The following DPYD variants were observed in gnomAD, a reference collection of about 807,000 sequenced individuals.
The protein encoded by DPYD is dihydropyrimidine dehydrogenase [NADP(+)].
A neutral mutation model predicts 116.2 loss-of-function variants in DPYD; 109 were observed. The observed-to-expected ratio is 0.94, with a 90% CI of 0.80 to 1.10. DPYD has a LOEUF of 1.10. DPYD is among the 50% of genes least tolerant of loss of function. The probability of loss-of-function intolerance (pLI) is 0.00; values close to 1 mark genes in which losing one functional copy is unlikely to be tolerated. For synonymous variants in DPYD, 440 were observed against 432.0 expected (o/e 1.02, Z -0.23); for missense variants, 1,302 against 1,254.5 (o/e 1.04, Z -0.57).
chr1:97,676,389 C>G (rs551241508), intron 8 of DPYD, among the ~76,000 whole-genome samples: 1 of 152,250 alleles, frequency 6.6e-6, no homozygotes, highest in East Asian at 1.9e-4. Flanking sequence ...ACTGAAGGAG[C>G]TGCTTCCCTC....
At chr1:97,670,716 C>T (rs1401756967) in intron 8 of DPYD, among the ~76,000 whole-genome samples, 1 of 150,620 alleles carries the variant, frequency 6.6e-6, no homozygotes, top group Non-Finnish European at 1.5e-5. Context: ...TGATAATTAT[C>T]TCCCACAAAA....
At chr1:97,554,404 T>C (rs1252779799) in intron 11 of DPYD, among the ~76,000 whole-genome samples, 1 of 152,158 alleles carries the variant, frequency 6.6e-6, no homozygotes, top group Non-Finnish European at 1.5e-5. Flanking sequence ...TTTGGAGAGT[T>C]TGATGTGTTA....
chr1:97,705,132 T>A (rs78027119), intron 5 of DPYD, among the ~76,000 whole-genome samples: 1 of 118,440 alleles, frequency 8.4e-6, no homozygotes, highest in Non-Finnish European at 1.9e-5. Flanking sequence ...GCCTGAACTC[T>A]TTTTTTTTTT....
chr1:97,550,488 G>A (rs929964921), intron 11 of DPYD, among the ~76,000 whole-genome samples: 4 of 152,018 alleles, frequency 2.6e-5, no homozygotes, highest in African/African-American at 7.2e-5. Flanking sequence ...AATATCTAAC[G>A]AACATTTTGA....
intron 20 of DPYD, among the ~76,000 whole-genome samples, chr1:97,127,584 G>T (rs1026645471): frequency 3.9e-5 from 6 of 152,034 alleles, no homozygotes; most frequent in Non-Finnish European, 7.4e-5. Flanking sequence ...TTGCTAGAAA[G>T]GTATTCATCA....
chr1:97,827,985 C>T (rs1669321982), intron 3 of DPYD, 129 bp downstream of exon 3: 1 of 885,608 alleles, frequency 1.1e-6, no homozygotes, highest in South Asian at 1.4e-5. Context: ...GGAAGTCTCT[C>T]CACTGACAAA....
At chr1:97,373,214 A>G (rs1163459451) in intron 16 of DPYD, among the ~76,000 whole-genome samples, 1 of 152,226 alleles carries the variant, frequency 6.6e-6, no homozygotes, top group African/African-American at 2.4e-5. Context: ...CATTTTGTAC[A>G]GTATATTGCT....
chr1:97,460,159 CAG>C (rs1234914710), intron 13 of DPYD, among the ~76,000 whole-genome samples: 1 of 152,082 alleles, frequency 6.6e-6, no homozygotes, highest in East Asian at 1.9e-4. Flanking sequence ...AGAAAAAAAG[CAG>C]GTGCAAATCT....
rs181308117 is a variant in DPYD at position 97,581,542 on chromosome 1, G to C, written c.1129-7572C>G. On this transcript the variant is annotated intron_variant, in intron 10 of 22. Coordinates refer to ENST00000370192, the MANE Select transcript of DPYD (RefSeq NM_000110.4). The stretch of plus-strand genomic sequence containing the variant: ...GAACTGTTTAAGGCTATGAGTTGAA[G>C]ACTAGCCTGGGTAAAATAGAGAAAC... Among the ~76,000 whole-genome samples the C allele has an allele frequency of 1.5e-3, 231 of 151,574 alleles. 2 individuals carry two copies. The highest frequency in any genetic ancestry group is 5.5e-3 in the African/African-American group (229 of 41,324).
intron 16 of DPYD, among the ~76,000 whole-genome samples, chr1:97,323,134 T>TG (rs1668402916): frequency 6.7e-6 from 1 of 150,240 alleles, no homozygotes; most frequent in Non-Finnish European, 1.5e-5. Context: ...TGTGTGTGTG[T>TG]TTATGTATAG....
intron 2 of DPYD, among the ~76,000 whole-genome samples, chr1:97,875,756 C>G (rs771979536): frequency 6.6e-6 from 1 of 151,830 alleles, no homozygotes; most frequent in Non-Finnish European, 1.5e-5. Flanking sequence ...AAGACACACA[C>G]GCAAAATTAT....
rs72734081 is a variant in DPYD at position 97,890,612 on chromosome 1, T to C, written c.40-7238A>G. On this transcript the variant is annotated intron_variant, in intron 1 of 22. Coordinates refer to ENST00000370192, the MANE Select transcript of DPYD (RefSeq NM_000110.4). ...ATAGAAAAAAAGTGAAAACATTTTC[T>C]TATTCCAGAATATAATGTTTGCTTA... 3.0e-4 allele frequency among the ~76,000 whole-genome samples: 45 copies of C among 152,096 alleles called. No individual in the cohort carries two copies. In the Middle Eastern group the frequency reaches 0.01, roughly 34 times the overall value.
At chr1:97,260,485 C>A (rs1191682937) in intron 18 of DPYD, among the ~76,000 whole-genome samples, 4 of 151,798 alleles carry the variant, frequency 2.6e-5, no homozygotes, top group Non-Finnish European at 5.9e-5. Context: ...TGAAGAGTAA[C>A]AAATTTAAAT....
chr1:97,079,765 C>T (rs972197372), intron 22 of DPYD, among the ~76,000 whole-genome samples: 1 of 152,030 alleles, frequency 6.6e-6, no homozygotes, highest in African/African-American at 2.4e-5. Flanking sequence ...CAGTCCTGGC[C>T]CTGACACTAT....
chr1:97,615,835 T>C (rs1408614527), intron 8 of DPYD, among the ~76,000 whole-genome samples: 1 of 152,152 alleles, frequency 6.6e-6, no homozygotes, highest in Non-Finnish European at 1.5e-5. Context: ...TTACACTTCA[T>C]TTCTGATAAA....
chr1:97,843,648 C>T (rs1323176947), intron 2 of DPYD, among the ~76,000 whole-genome samples: 1 of 152,142 alleles, frequency 6.6e-6, no homozygotes, highest in Non-Finnish European at 1.5e-5. Context: ...ATGTTTCTTT[C>T]CATAAGAAGT....
chr1:97,436,607 G>T (rs1675487387), intron 14 of DPYD, among the ~76,000 whole-genome samples: 2 of 152,106 alleles, frequency 1.3e-5, no homozygotes, highest in South Asian at 4.1e-4. Flanking sequence ...AGCCAGTAAT[G>T]CTTGTAAAAT....
At chr1:97,716,767 T>C (rs1268479608) in intron 5 of DPYD, among the ~76,000 whole-genome samples, 1 of 152,060 alleles carries the variant, frequency 6.6e-6, no homozygotes, top group East Asian at 1.9e-4. Context: ...AATTATTTCT[T>C]AGGAAACATA....
chr1:97,471,866 A>G (rs565549792), intron 13 of DPYD, among the ~76,000 whole-genome samples: 1 of 152,184 alleles, frequency 6.6e-6, no homozygotes, highest in South Asian at 2.1e-4. Context: ...CTGGGATTAC[A>G]GGCGTGAGCC....
Sources: allele counts gnomAD v4.1 joint callset (sites outside exome capture counted in the v4.1 genomes callset), GRCh38; gene constraint gnomAD v4.1.1; transcripts MANE v1.5; gene names NCBI Gene and HGNC (gene_info 2026-07-23, HGNC 2026-07-21).